The following WLS variants were observed in gnomAD, a reference collection of about 807,000 sequenced individuals.
WLS encodes the protein Wnt ligand secretion mediator.
Under a neutral mutation model 62.8 loss-of-function variants are expected in WLS, and 23 were observed. That is an observed-to-expected ratio of 0.37 (90% CI 0.26 to 0.52). The LOEUF (loss-of-function observed/expected upper bound fraction) is 0.52, where lower values mean the gene tolerates loss of function less well. Ranked by LOEUF, WLS falls within the 20% of genes least tolerant of loss-of-function variation. The pLI, the probability that WLS is intolerant of heterozygous loss-of-function variation, is 0.92. For synonymous variants in WLS, 246 were observed against 244.1 expected (o/e 1.01, Z -0.07); for missense variants, 615 against 697.3 (o/e 0.88, Z 1.33).
intron 1 of WLS, among the ~76,000 whole-genome samples, chr1:68,215,268 T>G (rs1012874588): frequency 5.3e-5 from 8 of 152,232 alleles, no homozygotes; most frequent in African/African-American, 1.9e-4. Flanking sequence ...ATTACTGGGA[T>G]GATCCAACTT....
chr1:68,099,405 TGGG>T, intron 11 of WLS, among the ~76,000 whole-genome samples: 1 of 152,264 alleles, frequency 6.6e-6, no homozygotes, highest in East Asian at 1.9e-4. Flanking sequence ...GAGAAGTAAC[TGGG>T]TTGTCAATTT....
At chr1:68,200,052 G>A (rs1433451101) in intron 1 of WLS, among the ~76,000 whole-genome samples, 4 of 152,178 alleles carry the variant, frequency 2.6e-5, no homozygotes, top group Admixed American at 6.5e-5. Context: ...TAGACCAGTT[G>A]AAAAGGTAAT....
rs1646783183 is a variant in WLS at position 68,148,562 on chromosome 1, C to G, written c.1070+1G>C. 6.2e-7 allele frequency: 1 copy of G among 1,613,792 alleles called. No homozygotes were observed. Among genetic ancestry groups the G allele is most frequent in the African/African-American group, 1.3e-5 (1 of 74,920 alleles). On this transcript the variant is annotated splice_donor_variant, in intron 7 of 11. Transcript: ENST00000262348. LOFTEE classifies it high-confidence loss of function. ...TCAGTGTCCCACAAACACTTGCTCA[C>G]CTCTCACACATGTCAAATATGAAGA...
chr1:68,182,623 A>G (rs1383118279), intron 2 of WLS, among the ~76,000 whole-genome samples: 1 of 152,218 alleles, frequency 6.6e-6, no homozygotes, highest in Non-Finnish European at 1.5e-5. Flanking sequence ...AGAGTAAAGA[A>G]GACTGGCCAT....
intron 1 of WLS, among the ~76,000 whole-genome samples, chr1:68,224,210 G>C (rs1015660328): frequency 5.3e-5 from 8 of 152,142 alleles, no homozygotes; most frequent in Admixed American, 2.0e-4. Context: ...AAGGAGAAAG[G>C]GGGAGCAGAA....
At chr1:68,131,039 C>G (rs1646512094) in intron 11 of WLS, among the ~76,000 whole-genome samples, 1 of 148,554 alleles carries the variant, frequency 6.7e-6, no homozygotes, top group East Asian at 2.0e-4. Flanking sequence ...ACTACAGGCG[C>G]ATGCCACCAT....
At chr1:68,126,746 G>A (rs1646436876) in intron 11 of WLS, among the ~76,000 whole-genome samples, 1 of 152,166 alleles carries the variant, frequency 6.6e-6, no homozygotes, top group African/African-American at 2.4e-5. Flanking sequence ...TGGGAGGTAG[G>A]CAAGGTAATT....
At chr1:68,178,667 C>A in intron 2 of WLS, among the ~76,000 whole-genome samples, 1 of 148,566 alleles carries the variant, frequency 6.7e-6, no homozygotes, top group Middle Eastern at 3.4e-3. Flanking sequence ...GATCACGCCA[C>A]TGCACTCCAG....
At chr1:68,186,473 A>C (rs553337437) in intron 2 of WLS, 1 of 390,030 alleles carries the variant, frequency 2.6e-6, no homozygotes, top group East Asian at 7.3e-5. Flanking sequence ...GAAATCTGAA[A>C]CTCATTTCAA....
rs139929652 is a variant in WLS at position 68,110,990 on chromosome 1, T to G, written c.1511-12237A>C. Among the ~76,000 whole-genome samples the G allele has an allele frequency of 8.1e-4, 124 of 152,290 alleles. 1 individual carries two copies. Among genetic ancestry groups the G allele is most frequent in the African/African-American group, 2.9e-3 (119 of 41,580 alleles). ...TAATCTTGAAATTTATTTAAAGAAT[T>G]TTTTTGAAAGACACAAGTACCCATT... On this transcript the variant is annotated intron_variant, in intron 11 of 11. Coordinates refer to the WLS transcript ENST00000354777.
chr1:68,157,940 A>G (rs1646921202), intron 3 of WLS, among the ~76,000 whole-genome samples: 1 of 152,220 alleles, frequency 6.6e-6, no homozygotes, highest in Non-Finnish European at 1.5e-5. Context: ...ACTTGCAGAG[A>G]TAGCTAGAAA....
chr1:68,227,731 C>G (rs1378687988), intron 1 of WLS, among the ~76,000 whole-genome samples: 2 of 151,920 alleles, frequency 1.3e-5, no homozygotes, highest in African/African-American at 2.4e-5. Context: ...TAACATCAAC[C>G]AAAAACCAAT....
intron 2 of WLS, among the ~76,000 whole-genome samples, chr1:68,185,455 A>T (rs1221398604): frequency 3.3e-5 from 5 of 152,160 alleles, no homozygotes; most frequent in African/African-American, 1.2e-4. Context: ...GCCTGTTAGG[A>T]ACTGAGCCAT....
At chr1:68,194,626 A>G (rs1648563663) in intron 1 of WLS, among the ~76,000 whole-genome samples, 1 of 152,212 alleles carries the variant, frequency 6.6e-6, no homozygotes. Flanking sequence ...CCTGGATTCG[A>G]AGCCTGGTTA....
At chr1:68,110,735 A>G (rs996374842) in intron 11 of WLS, among the ~76,000 whole-genome samples, 10 of 69,706 alleles carry the variant, frequency 1.4e-4, no homozygotes, top group African/African-American at 3.7e-4. Context: ...ATATGTTTGT[A>G]TATATATGTG....
At chr1:68,111,851 AT>A (rs1294500670) in intron 11 of WLS, among the ~76,000 whole-genome samples, 1 of 152,158 alleles carries the variant, frequency 6.6e-6, no homozygotes, top group Non-Finnish European at 1.5e-5. Flanking sequence ...CCAGAAGAAG[AT>A]TTAGTTGAAT....
chr1:68,214,420 AGT>A, intron 1 of WLS, among the ~76,000 whole-genome samples: 1 of 151,510 alleles, frequency 6.6e-6, no homozygotes, highest in Non-Finnish European at 1.5e-5. Flanking sequence ...GCTGGAGTGC[AGT>A]GTTGTGATCT....
At chr1:68,229,575 C>T (rs975401202) in intron 1 of WLS, among the ~76,000 whole-genome samples, 1 of 152,202 alleles carries the variant, frequency 6.6e-6, no homozygotes, top group Non-Finnish European at 1.5e-5. Context: ...ACTGTCTCCG[C>T]TTGCCCACTT....
At chr1:68,117,190 A>C (rs1646303583) in intron 11 of WLS, among the ~76,000 whole-genome samples, 1 of 152,170 alleles carries the variant, frequency 6.6e-6, no homozygotes, top group African/African-American at 2.4e-5. Context: ...ACACACTCCC[A>C]AACTTTATCT....
Sources: allele counts gnomAD v4.1 joint callset (sites outside exome capture counted in the v4.1 genomes callset), GRCh38; gene constraint gnomAD v4.1.1; transcripts MANE v1.5; gene names NCBI Gene and HGNC (gene_info 2026-07-23, HGNC 2026-07-21).